Variants in ITIH5 observed in about 807,000 individuals in gnomAD.
ITIH5 encodes the protein inter-alpha-trypsin inhibitor heavy chain H5.
A neutral mutation model predicts 77.5 loss-of-function variants in ITIH5; 65 were observed. The observed-to-expected ratio is 0.84, with a 90% CI of 0.69 to 1.03. The LOEUF (loss-of-function observed/expected upper bound fraction) is 1.03, where lower values mean the gene tolerates loss of function less well. Ranked by LOEUF, ITIH5 falls within the 50% of genes least tolerant of loss-of-function variation. The probability of loss-of-function intolerance (pLI) is 0.00; values close to 1 mark genes in which losing one functional copy is unlikely to be tolerated. For missense variants in ITIH5, 1,208 were observed against 1,213.1 expected (o/e 1.00, Z 0.06); for synonymous variants, 525 against 494.3 (o/e 1.06, Z -0.82).
intron 1 of ITIH5, among the ~76,000 whole-genome samples, chr10:7,664,784 C>T (rs945221797): frequency 1.3e-5 from 2 of 152,234 alleles, no homozygotes; most frequent in African/African-American, 4.8e-5. Context: ...ATTAAGTTTA[C>T]ATACAATTTT....
chr10:7,622,710 A>C (rs1833493965), intron 5 of ITIH5, among the ~76,000 whole-genome samples: 1 of 152,210 alleles, frequency 6.6e-6, no homozygotes, highest in Non-Finnish European at 1.5e-5. Flanking sequence ...ATAAAGAATA[A>C]TCTTTAAAAA....
At chr10:7,664,410 A>C (rs1834328176) in intron 1 of ITIH5, among the ~76,000 whole-genome samples, 3 of 151,868 alleles carry the variant, frequency 2.0e-5, no homozygotes, top group Non-Finnish European at 4.4e-5. Flanking sequence ...AAAAAAAAAA[A>C]AAAAACTAAA....
rs370223020 is a variant in ITIH5 at position 7,644,527 on chromosome 10, T to TCAC, written c.136-2438_136-2437insGTG. ...ATATATATGATATATATCACATATATATGATATATCACATATATATGATAT... is the reference window on the plus strand; with the variant it reads ...ATATATATGATATATATCACATATATCACATGATATATCACATATATATGATAT... On this transcript the variant is annotated intron_variant, in intron 2 of 13. Coordinates refer to ENST00000397146, the MANE Select transcript of ITIH5 (RefSeq NM_030569.7). Among the ~76,000 whole-genome samples, 751 of 118,486 alleles carry TCAC rather than the reference T, an allele frequency of 6.3e-3. 4 individuals carry two copies. The highest frequency in any genetic ancestry group is 9.6e-3 in the Non-Finnish European group (546 of 56,906). 77.7% of individuals were successfully genotyped at this position (118,486 alleles called of 152,430 possible).
chr10:7,610,297 C>T (rs1833218660), intron 7 of ITIH5, among the ~76,000 whole-genome samples: 1 of 152,112 alleles, frequency 6.6e-6, no homozygotes, highest in Non-Finnish European at 1.5e-5. Flanking sequence ...GGATCATGTT[C>T]CCACTGGGAT....
intron 1 of ITIH5, among the ~76,000 whole-genome samples, chr10:7,665,256 T>C (rs1282888527): frequency 6.6e-6 from 1 of 152,172 alleles, no homozygotes; most frequent in African/African-American, 2.4e-5. Flanking sequence ...TAAACAGCCT[T>C]CCTAGTTCAG....
At chr10:7,634,111 G>T (rs1030198849) in intron 5 of ITIH5, among the ~76,000 whole-genome samples, 8 of 139,454 alleles carry the variant, frequency 5.7e-5, no homozygotes, top group African/African-American at 2.0e-4. Context: ...AAAAAAAAAG[G>T]AAAGAAAAGA....
At chr10:7,638,958 GT>G (rs918966120) in intron 4 of ITIH5, among the ~76,000 whole-genome samples, 3 of 152,072 alleles carry the variant, frequency 2.0e-5, no homozygotes, top group African/African-American at 7.2e-5. Flanking sequence ...TTAAATAATG[GT>G]TATGTGTCTC....
In ITIH5 at chr10:7,562,710, T is replaced by G; in HGVS notation, c.*373A>C. The stretch of plus-strand genomic sequence containing the variant: ...TGTCCATTTCCACCAAGAAAAAAAG[T>G]TTCATAGCAACCTTCCTTCACCAGA... On this transcript the variant is annotated 3_prime_UTR_variant, in exon 14 of 14. Coordinates refer to ENST00000397146, the MANE Select transcript of ITIH5 (RefSeq NM_030569.7). 3 of 199,588 alleles carry G rather than the reference T, an allele frequency of 1.5e-5. No homozygotes were observed. Among genetic ancestry groups the G allele is most frequent in the Non-Finnish European group, 3.1e-5 (3 of 96,950 alleles). The allele number at this position is 199,588 out of a possible 1,614,324, so 12.4% of individuals were successfully genotyped here.
chr10:7,626,503 G>T (rs562348886), intron 5 of ITIH5, among the ~76,000 whole-genome samples: 1 of 152,222 alleles, frequency 6.6e-6, no homozygotes, highest in Non-Finnish European at 1.5e-5. Flanking sequence ...TCCTGGCAAA[G>T]GTACAGAGAT....
intron 5 of ITIH5, among the ~76,000 whole-genome samples, chr10:7,634,305 C>A (rs56331329): frequency 4.0e-5 from 6 of 151,748 alleles, no homozygotes; most frequent in Non-Finnish European, 5.9e-5. Context: ...AAACACAGCC[C>A]TGTCCAGACA....
intron 13 of ITIH5, among the ~76,000 whole-genome samples, chr10:7,565,481 A>T (rs1313466094): frequency 6.6e-6 from 1 of 150,632 alleles, no homozygotes; most frequent in African/African-American, 2.4e-5. Flanking sequence ...GTACATATAC[A>T]GACTGATTAT....
chr10:7,613,125 A>G (rs1833285369), intron 7 of ITIH5, among the ~76,000 whole-genome samples: 3 of 152,076 alleles, frequency 2.0e-5, no homozygotes, highest in South Asian at 2.1e-4. Context: ...AGCACCTGTA[A>G]TCTCAGCTAC....
At chr10:7,574,830 T>C (rs1408244600) in intron 10 of ITIH5, among the ~76,000 whole-genome samples, 1 of 151,314 alleles carries the variant, frequency 6.6e-6, no homozygotes, top group Non-Finnish European at 1.5e-5. Context: ...AAAAACCCTT[T>C]CGAGTAGTCA....
intron 5 of ITIH5, among the ~76,000 whole-genome samples, chr10:7,634,604 C>CT (rs904335549): frequency 1.9e-4 from 29 of 152,118 alleles, no homozygotes; most frequent in African/African-American, 6.8e-4. Context: ...CAGTAAGCAA[C>CT]TTTTTTTAGC....
intron 1 of ITIH5, 112 bp from the exon 2 acceptor site, chr10:7,655,787 A>G (rs1273444353): frequency 1.2e-6 from 1 of 816,450 alleles, no homozygotes; most frequent in Non-Finnish European, 2.0e-6. Context: ...AAATCTATTC[A>G]GATTCACCAA....
In ITIH5 at chr10:7,563,297, C is replaced by T. The variant is rs746436027; in HGVS notation, c.2615G>A (p.Gly872Glu). 6.2e-7 allele frequency: 1 copy of T among 1,614,010 alleles called. No individual in the cohort carries two copies. The change falls in exon 14 of 14, where the codon GGA (glycine) becomes GAA (glutamate). Residue 872 changes from glycine to glutamate, a missense_variant. Physicochemically the swap from Gly to Glu is moderately conservative, Grantham distance 98. Transcript: ENST00000397146. ...TGTTAGGACGGCCTCAGGCCCCTCTCCCACCTGAAGGAGCAGAGGGTGAGT... is the reference window on the plus strand; with the variant it reads ...TGTTAGGACGGCCTCAGGCCCCTCTTCCACCTGAAGGAGCAGAGGGTGAGT... ...NLTHPLLLQV[G>E]EGPEAVLTVK...
chr10:7,626,550 G>A (rs776976534), intron 5 of ITIH5, among the ~76,000 whole-genome samples: 11 of 152,288 alleles, frequency 7.2e-5, no homozygotes, highest in East Asian at 3.9e-4. Context: ...CCTTCCAGCC[G>A]CAGAGCAGAG....
intron 7 of ITIH5, among the ~76,000 whole-genome samples, chr10:7,600,858 GA>G (rs1833000836): frequency 6.6e-6 from 1 of 152,162 alleles, no homozygotes. Flanking sequence ...AGGACATGCG[GA>G]GAACTTGCAT....
At position 7,585,951 on chromosome 10, in the gene ITIH5, T is replaced by C; in HGVS notation, c.1058A>G (p.Asp353Gly). 4 of 1,614,134 alleles carry C rather than the reference T, an allele frequency of 2.5e-6. No individual in the cohort carries two copies. In the African/African-American group the frequency reaches 4.0e-5, roughly 16 times the overall value. The part of the protein sequence containing the change: ...WKDHLISVTP[D>G]SIRDGKVYIH... ...GTACACTTTCCCATCCCTGATGCTG[T>C]CTGGAGTGACTGATATCAAGTGGTC... The change falls in exon 8 of 14, where the codon GAC becomes GGC. Residue 353 changes from aspartate (D) to glycine (G), a missense_variant. Transcript: ENST00000397146.
Sources: gnomAD v4.1 joint callset for allele counts (sites outside exome capture counted in the v4.1 genomes callset) on GRCh38, gnomAD v4.1.1 for gene constraint, MANE v1.5 for transcripts, NCBI Gene and HGNC (gene_info 2026-07-23, HGNC 2026-07-21) for gene names.